Variants in PIK3R3 observed in about 807,000 individuals in gnomAD.
PIK3R3 encodes phosphatidylinositol 3-kinase regulatory subunit gamma.
In PIK3R3, 64 loss-of-function variants were observed where a neutral mutation model predicts 62.9. The ratio of observed to expected loss-of-function variants is 1.02; its 90% CI spans 0.83 to 1.25. The LOEUF (loss-of-function observed/expected upper bound fraction) is 1.25, where lower values mean the gene tolerates loss of function less well. Ranked by LOEUF, PIK3R3 falls within the 50% of genes most tolerant of loss-of-function variation. The pLI, the probability that PIK3R3 is intolerant of heterozygous loss-of-function variation, is 0.00. For synonymous variants in PIK3R3, 165 were observed against 189.0 expected (o/e 0.87, Z 1.04); for missense variants, 614 against 561.6 (o/e 1.09, Z -0.94).
intron 1 of PIK3R3, among the ~76,000 whole-genome samples, chr1:46,101,248 C>A (rs1182143792): frequency 6.6e-6 from 1 of 151,782 alleles, no homozygotes; most frequent in Admixed American, 6.6e-5. Flanking sequence ...GTAATCCCAG[C>A]ACTTTGGGAG....
At chr1:46,096,097 A>G (rs1436249634) in intron 1 of PIK3R3, among the ~76,000 whole-genome samples, 1 of 152,204 alleles carries the variant, frequency 6.6e-6, no homozygotes, top group Non-Finnish European at 1.5e-5. Context: ...TGGATTAATT[A>G]TATGTTCTAG....
chr1:46,128,307 C>T (rs144786572), intron 1 of PIK3R3, among the ~76,000 whole-genome samples: 51 of 152,158 alleles, frequency 3.4e-4, no homozygotes, highest in Admixed American at 1.8e-3. Context: ...TGGTAGCATG[C>T]GCCTGTGTAG....
chr1:46,056,051 C>G, intron 6 of PIK3R3, 80 bp from the exon 7 acceptor site: 1 of 894,486 alleles, frequency 1.1e-6, no homozygotes, highest in Non-Finnish European at 1.6e-6. Flanking sequence ...GTCCTAATAT[C>G]CTTTTTTTTT....
chr1:46,065,512 T>C (rs545715785), intron 5 of PIK3R3, among the ~76,000 whole-genome samples: 39 of 152,214 alleles, frequency 2.6e-4, no homozygotes, highest in Non-Finnish European at 5.1e-4. Flanking sequence ...TTTCTCAGCC[T>C]CCCCTACAGC....
chr1:46,136,493 C>G (rs965392624), upstream of PIK3R3, among the ~76,000 whole-genome samples: 4 of 152,160 alleles, frequency 2.6e-5, no homozygotes, highest in Non-Finnish European at 5.9e-5. Flanking sequence ...TTGGCATTTG[C>G]AATTTTTTAC....
At chr1:46,087,573 C>T (rs1188595428) in intron 1 of PIK3R3, among the ~76,000 whole-genome samples, 1 of 147,230 alleles carries the variant, frequency 6.8e-6, no homozygotes, top group Non-Finnish European at 1.5e-5. Context: ...TAGGGTTACC[C>T]AATGAAAAAC....
At chr1:46,095,106 T>C (rs569572837) in intron 1 of PIK3R3, among the ~76,000 whole-genome samples, 1 of 152,288 alleles carries the variant, frequency 6.6e-6, no homozygotes, top group African/African-American at 2.4e-5. Context: ...GAAATACTAT[T>C]TGACCCAGTA....
At chr1:46,168,959 C>A in the PIK3R3 span, among the ~76,000 whole-genome samples, 2 of 152,182 alleles carry the variant, frequency 1.3e-5, no homozygotes, top group African/African-American at 4.8e-5. Context: ...CCCAGTTCAG[C>A]CCAGCTATCT....
At chr1:46,070,748 A>T (rs1649406510) in intron 3 of PIK3R3, among the ~76,000 whole-genome samples, 1 of 152,136 alleles carries the variant, frequency 6.6e-6, no homozygotes, top group African/African-American at 2.4e-5. Flanking sequence ...GAGAGGAGCA[A>T]GTTTGTTAAG....
intron 1 of PIK3R3, among the ~76,000 whole-genome samples, chr1:46,088,679 T>C (rs190315657): frequency 2.6e-4 from 39 of 151,936 alleles, no homozygotes; most frequent in Middle Eastern, 3.4e-3. Flanking sequence ...ATCAAACTAA[T>C]AGAAGTTCCA....
intron 3 of PIK3R3, among the ~76,000 whole-genome samples, chr1:46,071,780 T>A (rs954363575): frequency 1.4e-4 from 19 of 139,166 alleles, no homozygotes; most frequent in Non-Finnish European, 1.5e-5. Flanking sequence ...GATCACAATT[T>A]CCCTGCCGAA....
chr1:46,160,011 T>C, the PIK3R3 span, among the ~76,000 whole-genome samples: 2 of 152,310 alleles, frequency 1.3e-5, no homozygotes, highest in Middle Eastern at 6.8e-3. Context: ...ATTCAAATCA[T>C]GTAGCTCTGT....
At chr1:46,048,472 TCG>T (rs949229885) in intron 7 of PIK3R3, 12 of 152,206 alleles carry the variant, frequency 7.9e-5, no homozygotes, top group African/African-American at 2.9e-4. Context: ...CCCCACACCA[TCG>T]CGTCTGTCAT....
At chr1:46,069,620 G>A (rs1332406904) in intron 3 of PIK3R3, among the ~76,000 whole-genome samples, 1 of 152,102 alleles carries the variant, frequency 6.6e-6, no homozygotes, top group Non-Finnish European at 1.5e-5. Context: ...TGATCCAGCA[G>A]GCTACTTAAA....
chr1:46,095,069 T>C (rs1651990786), intron 1 of PIK3R3, among the ~76,000 whole-genome samples: 1 of 152,206 alleles, frequency 6.6e-6, no homozygotes, highest in Non-Finnish European at 1.5e-5. Context: ...AACTAGAGTG[T>C]GGCGATTCCT....
At chr1:46,087,453 TGGTTACCTAAACAATGA>T (rs1248473742) in intron 1 of PIK3R3, among the ~76,000 whole-genome samples, 1 of 152,074 alleles carries the variant, frequency 6.6e-6, no homozygotes, top group East Asian at 1.9e-4. Context: ...TATCCCTTTC[TGGTTACCTAAACAATGA>T]GCTGTCAAGC....
chr1:46,111,962 T>C (rs1653781155), intron 1 of PIK3R3, among the ~76,000 whole-genome samples: 1 of 152,252 alleles, frequency 6.6e-6, no homozygotes, highest in African/African-American at 2.4e-5. Flanking sequence ...CTGTCCTCCA[T>C]CCCCCTTAAG....
Position 46,062,083 on chromosome 1 carries a change from A to G in PIK3R3, c.622-12T>C. On this transcript the variant is annotated splice_polypyrimidine_tract_variant and intron_variant, in intron 5 of 9. Transcript: ENST00000262741. ...TTCATCTGTATTTCCTACAGGAGAG[A>G]AAAAGAAAAAACACAGGCTTCATTA... 1.9e-6 allele frequency: 3 copies of G among 1,577,338 alleles called. No homozygotes were observed. The highest frequency in any genetic ancestry group is 2.6e-6 in the Non-Finnish European group (3 of 1,169,802).
chr1:46,071,169 T>C (rs1266813625), intron 3 of PIK3R3, among the ~76,000 whole-genome samples: 1 of 152,150 alleles, frequency 6.6e-6, no homozygotes, highest in African/African-American at 2.4e-5. Context: ...TATTATTTTC[T>C]TTCAACCTCT....
Sources: allele counts gnomAD v4.1 joint callset (sites outside exome capture counted in the v4.1 genomes callset), GRCh38; gene constraint gnomAD v4.1.1; transcripts MANE v1.5; gene names NCBI Gene and HGNC (gene_info 2026-07-23, HGNC 2026-07-21).